Variants in WIF1 observed in about 807,000 individuals in gnomAD.
WIF1 encodes the protein Wnt inhibitory factor 1.
In WIF1, 35 loss-of-function variants were observed where a neutral mutation model predicts 53.5. The ratio of observed to expected loss-of-function variants is 0.65; its 90% CI spans 0.50 to 0.87. The LOEUF is 0.87. Ranked by LOEUF, WIF1 falls within the 40% of genes least tolerant of loss-of-function variation. WIF1 has a pLI of 0.00. For synonymous variants in WIF1, 171 were observed against 170.4 expected (o/e 1.00, Z -0.03); for missense variants, 467 against 476.8 (o/e 0.98, Z 0.19).
chr12:65,052,169 T>C (rs973808111), intron 9 of WIF1, among the ~76,000 whole-genome samples: 1 of 152,212 alleles, frequency 6.6e-6, no homozygotes, highest in African/African-American at 2.4e-5. Context: ...CTAAAACTGA[T>C]CCAAGGCAGC....
Position 65,056,134 on chromosome 12 carries a change from A to T in WIF1, c.827-8T>A. 1 of 1,613,252 alleles carries T rather than the reference A, an allele frequency of 6.2e-7. No individual in the cohort carries two copies. The highest frequency in any genetic ancestry group is 8.5e-7 in the Non-Finnish European group (1 of 1,179,570). On this transcript the variant is annotated splice_polypyrimidine_tract_variant and splice_region_variant and intron_variant, in intron 7 of 9. Transcript: ENST00000286574. ...AGGGTTGTGGGCATTTGCCTGAAAA[A>T]GAGAAGAATGCAGCTAAACAAGGAA...
intron 2 of WIF1, among the ~76,000 whole-genome samples, chr12:65,078,182 A>T (rs1194561254): frequency 6.6e-6 from 1 of 152,014 alleles, no homozygotes; most frequent in Non-Finnish European, 1.5e-5. Flanking sequence ...AGGTTCAAGC[A>T]ATTCTCCTGC....
chr12:65,082,703 T>A (rs1382833564), intron 2 of WIF1, among the ~76,000 whole-genome samples: 1 of 152,164 alleles, frequency 6.6e-6, no homozygotes, highest in Non-Finnish European at 1.5e-5. Context: ...CATAAGGCCT[T>A]TGTTCTGGCA....
intron 2 of WIF1, among the ~76,000 whole-genome samples, chr12:65,106,216 G>A (rs112200611): frequency 2.8e-4 from 43 of 152,204 alleles, no homozygotes; most frequent in African/African-American, 1.0e-3. Flanking sequence ...GCACTTCAGA[G>A]TATAAATGCA....
At chr12:65,108,577 C>A (rs1470602152) in intron 2 of WIF1, among the ~76,000 whole-genome samples, 1 of 152,172 alleles carries the variant, frequency 6.6e-6, no homozygotes, top group Non-Finnish European at 1.5e-5. Flanking sequence ...CATCTCTATT[C>A]CCTCATTTCC....
intron 7 of WIF1, among the ~76,000 whole-genome samples, chr12:65,056,759 C>G (rs1041863353): frequency 1.3e-5 from 2 of 152,020 alleles, no homozygotes; most frequent in Non-Finnish European, 2.9e-5. Flanking sequence ...AAGTGATTCT[C>G]CTGCCTCATC....
chr12:65,054,680 T>C (rs1416636502), intron 9 of WIF1, among the ~76,000 whole-genome samples: 1 of 152,250 alleles, frequency 6.6e-6, no homozygotes, highest in Non-Finnish European at 1.5e-5. Flanking sequence ...TCATGTTTTA[T>C]AATGATACTT....
chr12:65,115,533 C>T (rs1197180119), intron 2 of WIF1, among the ~76,000 whole-genome samples: 1 of 152,182 alleles, frequency 6.6e-6, no homozygotes, highest in Admixed American at 6.5e-5. Flanking sequence ...AAAATTGTTG[C>T]TCATGGCCCC....
At chr12:65,070,081 A>G (rs745908017) in intron 3 of WIF1, among the ~76,000 whole-genome samples, 1 of 152,166 alleles carries the variant, frequency 6.6e-6, no homozygotes. Flanking sequence ...CCCTAGGTTT[A>G]TAGGAATAAA....
At chr12:65,109,895 A>G (rs899863582) in intron 2 of WIF1, among the ~76,000 whole-genome samples, 9 of 152,240 alleles carry the variant, frequency 5.9e-5, no homozygotes, top group African/African-American at 1.9e-4. Context: ...TATACCATGT[A>G]ACTAATGACA....
chr12:65,115,463 G>A (rs2136295918), intron 2 of WIF1, among the ~76,000 whole-genome samples: 1 of 152,212 alleles, frequency 6.6e-6, no homozygotes, highest in South Asian at 2.1e-4. Context: ...GAAAGCCATT[G>A]GGCTTAGAAA....
At chr12:65,103,766 C>A (rs1883314164) in intron 2 of WIF1, among the ~76,000 whole-genome samples, 1 of 152,146 alleles carries the variant, frequency 6.6e-6, no homozygotes, top group Non-Finnish European at 1.5e-5. Context: ...AGAATTCAAA[C>A]CCAGGCTCTG....
intron 2 of WIF1, among the ~76,000 whole-genome samples, chr12:65,115,813 A>G (rs1883499957): frequency 6.6e-6 from 1 of 152,184 alleles, no homozygotes; most frequent in Non-Finnish European, 1.5e-5. Flanking sequence ...AAATGATTTC[A>G]GGCAAGAAAG....
intron 2 of WIF1, among the ~76,000 whole-genome samples, chr12:65,078,322 G>A (rs1339870792): frequency 6.6e-6 from 1 of 152,088 alleles, no homozygotes; most frequent in African/African-American, 2.4e-5. Flanking sequence ...CAAGTCATCT[G>A]CCTGCCTTGG....
In WIF1 at chr12:65,121,116, C is replaced by T; in HGVS notation, c.76G>A (p.Ala26Thr). The T allele has an allele frequency of 6.5e-7, 1 of 1,547,510 alleles. No homozygotes were observed. The highest frequency in any genetic ancestry group is 8.7e-7 in the Non-Finnish European group (1 of 1,145,152). ...TCCTCCTGCGGCGGCCCGGCCTCCG[C>T]CCGCAGTGCCAGCAGGCACAGGAGG... ...SILLCLLALR[A>T]EAGPPQEESL... Residue 26 changes from alanine to threonine, a missense_variant, in exon 1 of 10, where the codon GCG becomes ACG. Physicochemically the swap from Ala to Thr is moderately conservative, Grantham distance 58 (BLOSUM62 0). Coordinates refer to ENST00000286574, the MANE Select transcript of WIF1 (RefSeq NM_007191.5).
chr12:65,058,730 G>A (rs1038291075), intron 7 of WIF1, among the ~76,000 whole-genome samples: 1 of 152,170 alleles, frequency 6.6e-6, no homozygotes, highest in Admixed American at 6.5e-5. Flanking sequence ...GAGTCAGCTT[G>A]AGAGATGGCA....
At chr12:65,064,976 G>C (rs1222481615) in intron 6 of WIF1, among the ~76,000 whole-genome samples, 2 of 152,090 alleles carry the variant, frequency 1.3e-5, no homozygotes, top group African/African-American at 4.8e-5. Flanking sequence ...CCTCTAGAAT[G>C]CCCAGTTTTA....
chr12:65,090,676 C>T (rs961212495), intron 2 of WIF1, among the ~76,000 whole-genome samples: 7 of 152,178 alleles, frequency 4.6e-5, no homozygotes, highest in South Asian at 2.1e-4. Flanking sequence ...AGATCAGTTG[C>T]GTAAGCTCTG....
intron 7 of WIF1, among the ~76,000 whole-genome samples, chr12:65,057,807 A>C (rs947836392): frequency 6.6e-6 from 1 of 152,232 alleles, no homozygotes; most frequent in African/African-American, 2.4e-5. Flanking sequence ...GACAAGTACT[A>C]TTCTTGACAA....
Sources: gnomAD v4.1 joint callset for allele counts (sites outside exome capture counted in the v4.1 genomes callset) on GRCh38, gnomAD v4.1.1 for gene constraint, MANE v1.5 for transcripts, NCBI Gene and HGNC (gene_info 2026-07-23, HGNC 2026-07-21) for gene names.